Variants in TLK2 observed in about 807,000 individuals in gnomAD.
The protein encoded by TLK2 is tousled like kinase 2, also known as serine/threonine-protein kinase tousled-like 2.
A neutral mutation model predicts 117.3 loss-of-function variants in TLK2; 6 were observed. The ratio of observed to expected loss-of-function variants is 0.05; its 90% CI spans 0.03 to 0.10. TLK2 has a LOEUF of 0.10. Ranked by LOEUF, TLK2 falls within the 10% of genes least tolerant of loss-of-function variation. TLK2 has a pLI of 1.00. For missense variants in TLK2, 299 were observed against 901.2 expected, an observed-to-expected ratio of 0.33 and a Z score of 8.56; for synonymous variants, 257 against 316.7, an observed-to-expected ratio of 0.81 and a Z score of 2.00.
At chr17:62,537,065 C>G (rs1394844728) in intron 7 of TLK2, among the ~76,000 whole-genome samples, 1 of 152,190 alleles carries the variant, frequency 6.6e-6, no homozygotes, top group Non-Finnish European at 1.5e-5. Flanking sequence ...CGCCGTATTC[C>G]TATTCCACTT....
At position 62,488,487 on chromosome 17, in the gene TLK2, T is replaced by C. The variant is rs2072728121; in HGVS notation, c.81+7281T>C. On this transcript the variant is annotated intron_variant, in intron 2 of 21. Coordinates refer to ENST00000346027, the MANE Select transcript of TLK2 (RefSeq NM_006852.6). ...CCTGACAATTCTCAACAAGTATGAA[T>C]GCTGAGAAATGGCCTATACTTATAT... Among the ~76,000 whole-genome samples the C allele has an allele frequency of 2.0e-5, 3 of 152,184 alleles. No homozygotes were observed. The South Asian group carries it at 6.2e-4, about 31-fold the overall frequency.
chr17:62,483,904 C>T (rs1239341535), intron 2 of TLK2, among the ~76,000 whole-genome samples: 4 of 152,058 alleles, frequency 2.6e-5, no homozygotes, highest in Admixed American at 2.6e-4. Flanking sequence ...CGGCGCACTG[C>T]AATCTCTGCC....
intron 2 of TLK2, chr17:62,516,214 C>A (rs1184540935): frequency 2.3e-5 from 16 of 683,810 alleles, no homozygotes; most frequent in Non-Finnish European, 3.5e-5. Context: ...CATGAGTCAC[C>A]GCGCCCGGCT....
At chr17:62,589,406 G>C (rs2081905088) in intron 16 of TLK2, among the ~76,000 whole-genome samples, 1 of 152,156 alleles carries the variant, frequency 6.6e-6, no homozygotes, top group Non-Finnish European at 1.5e-5. Flanking sequence ...GAGAGTAAAA[G>C]ACATTTTGGT....
chr17:62,498,828 A>G (rs1424541664), intron 2 of TLK2, among the ~76,000 whole-genome samples: 8 of 152,114 alleles, frequency 5.3e-5, no homozygotes, highest in Non-Finnish European at 1.2e-4. Context: ...GCAAAAGTTA[A>G]AAGGTCTCAG....
chr17:62,552,922 C>T (rs2078585914), intron 8 of TLK2, among the ~76,000 whole-genome samples: 1 of 152,116 alleles, frequency 6.6e-6, no homozygotes. Flanking sequence ...CTTATTTATA[C>T]CTGGCTAAAC....
In TLK2 at chr17:62,480,796, T is replaced by C. The variant is rs1004737087; in HGVS notation, c.-5-325T>C. Among the ~76,000 whole-genome samples the C allele has an allele frequency of 5.9e-5, 9 of 152,330 alleles. 1 individual carries two copies. The highest frequency in any genetic ancestry group is 4.4e-5 in the Non-Finnish European group (3 of 68,026). On this transcript the variant is annotated intron_variant, in intron 1 of 21. Transcript: ENST00000346027. ...GAATTTTCTTTTTGCAGGCTAGTTC[T>C]TGTTTTGTTCTTTCCCCTGTGCTCA...
At chr17:62,523,261 C>T (rs567892416) in intron 5 of TLK2, 84 bp downstream of exon 5, 225 of 1,520,978 alleles carry the variant, frequency 1.5e-4, no homozygotes, top group Non-Finnish European at 1.9e-4. Context: ...ACCCTAAATC[C>T]TTGTGTTCAT....
chr17:62,507,107 T>C (rs1469217435), intron 2 of TLK2, among the ~76,000 whole-genome samples: 3 of 152,088 alleles, frequency 2.0e-5, no homozygotes, highest in African/African-American at 4.8e-5. Context: ...TTGTCACTTA[T>C]TGAAAGTGGG....
At chr17:62,565,228 A>G in intron 11 of TLK2, 91 bp downstream of exon 11, 3 of 1,437,148 alleles carry the variant, frequency 2.1e-6, no homozygotes, top group Admixed American at 2.4e-5. Flanking sequence ...TAATCCTACT[A>G]TTGGTAGTCA....
chr17:62,498,262 ATAT>A (rs2073883170), intron 2 of TLK2, among the ~76,000 whole-genome samples: 1 of 152,230 alleles, frequency 6.6e-6, no homozygotes, highest in Admixed American at 6.5e-5. Flanking sequence ...TGTAATATAC[ATAT>A]TATCAAAAGT....
At chr17:62,505,996 A>G in intron 2 of TLK2, among the ~76,000 whole-genome samples, 1 of 152,204 alleles carries the variant, frequency 6.6e-6, no homozygotes. Flanking sequence ...CCCAGTCAAT[A>G]CACTTTAATC....
chr17:62,596,684 G>A lies in TLK2; in HGVS notation c.1550+10G>A, dbSNP rs548580642. 7 of 1,609,982 alleles carry A rather than the reference G, an allele frequency of 4.3e-6. No homozygotes were observed. The highest frequency in any genetic ancestry group is 1.1e-5 in the South Asian group (1 of 90,968). On this transcript the variant is annotated intron_variant, in intron 17 of 21. Transcript: ENST00000346027. ...CACTGGATACTGACTCGTAAGTGCT[G>A]TGCTGTTTTACCTTAACAGTTATAT...
Position 62,546,341 on chromosome 17 carries a change from A to ATTTTTTTTTTT in TLK2, c.532-5959_532-5958insTTTTTTTTTTT, listed in dbSNP as rs1385208928. Among the ~76,000 whole-genome samples the ATTTTTTTTTTT allele has an allele frequency of 2.1e-3, 19 of 8,878 alleles. 2 individuals carry two copies. Among genetic ancestry groups the ATTTTTTTTTTT allele is most frequent in the Non-Finnish European group, 6.6e-3 (16 of 2,428 alleles). The allele number at this position is 8,878 out of a possible 152,430, so 5.8% of individuals were successfully genotyped here. On this transcript the variant is annotated intron_variant, in intron 7 of 21. Transcript: ENST00000346027. Reference sequence around the variant, plus strand: ...AAAGTTCCCTATTTTGAGTTTGTTGATTGTTTTTTTTTTTTTTTTACATAA... The same window carrying ATTTTTTTTTTT: ...AAAGTTCCCTATTTTGAGTTTGTTGATTTTTTTTTTTTTGTTTTTTTTTTTTTTTTACATAA...
At chr17:62,538,715 T>G (rs2077292994) in intron 7 of TLK2, among the ~76,000 whole-genome samples, 1 of 152,168 alleles carries the variant, frequency 6.6e-6, no homozygotes, top group Admixed American at 6.5e-5. Context: ...AGTAACAAAA[T>G]GATCATGTAT....
intron 2 of TLK2, among the ~76,000 whole-genome samples, chr17:62,501,943 TCAAA>T (rs1389056861): frequency 3.3e-5 from 5 of 150,860 alleles, no homozygotes; most frequent in Admixed American, 6.7e-5. Context: ...AAACAAACAA[TCAAA>T]CAAAGTCTTC....
At chr17:62,554,021 C>A (rs1284279464) in intron 9 of TLK2, among the ~76,000 whole-genome samples, 1 of 152,112 alleles carries the variant, frequency 6.6e-6, no homozygotes, top group Non-Finnish European at 1.5e-5. Context: ...TATATTTCAT[C>A]TAGAACTGTG....
chr17:62,518,356 A>G (rs569962803), intron 2 of TLK2, among the ~76,000 whole-genome samples: 107 of 152,352 alleles, frequency 7.0e-4, no homozygotes, highest in African/African-American at 2.4e-3. Flanking sequence ...AAAGGAAGAT[A>G]AAACCTTGTT....
At chr17:62,576,980 T>TTTTTTTTTTTTA (rs2080846395) in intron 13 of TLK2, among the ~76,000 whole-genome samples, 1 of 144,944 alleles carries the variant, frequency 6.9e-6, no homozygotes, top group Admixed American at 6.9e-5. Flanking sequence ...TTTTTTTTTT[T>TTTTTTTTTTTTA]GAGTTGGAGT....
Sources: gnomAD v4.1 joint callset for allele counts (sites outside exome capture counted in the v4.1 genomes callset) on GRCh38, gnomAD v4.1.1 for gene constraint, MANE v1.5 for transcripts, NCBI Gene and HGNC (gene_info 2026-07-23, HGNC 2026-07-21) for gene names.